The following FBXO3 variants were observed in gnomAD, a reference collection of about 807,000 sequenced individuals.
FBXO3 encodes F-box only protein 3.
Under a neutral mutation model 64.8 loss-of-function variants are expected in FBXO3, and 17 were observed. That is an observed-to-expected ratio of 0.26 (90% CI 0.18 to 0.39). FBXO3 has a LOEUF of 0.39. Ranked by LOEUF, FBXO3 falls within the 10% of genes least tolerant of loss-of-function variation. The pLI is 1.00. For missense variants in FBXO3, 420 were observed against 589.9 expected (o/e 0.71, Z 2.98); for synonymous variants, 182 against 201.6 (o/e 0.90, Z 0.82).
chr11:33,744,034 T>C (rs1854751677), intron 10 of FBXO3: 2 of 152,184 alleles, frequency 1.3e-5, no homozygotes, highest in East Asian at 3.8e-4. Flanking sequence ...TCACTTAGGA[T>C]TTATTATAAC....
In FBXO3 at chr11:33,748,872, G is replaced by A. The variant is rs746100285; in HGVS notation, c.953C>T (p.Ala318Val). ...CAACTGACAGGCCTTCTCAGGAAGT[G>A]CATCTTTTGACATTTCAATCCTAGA... ...YRIRIEMSKD[A>V]LPEKACQLDS... is the part of the protein sequence containing the mutation. Residue 318 changes from alanine (A) to valine (V), a missense_variant, in exon 9 of 11, where the codon GCA becomes GTA. Coordinates refer to ENST00000265651, the MANE Select transcript of FBXO3 (RefSeq NM_012175.4). 1 of 1,612,848 alleles carries A rather than the reference G, an allele frequency of 6.2e-7. No homozygotes were observed. Among genetic ancestry groups the A allele is most frequent in the Admixed American group, 1.7e-5 (1 of 59,990 alleles).
intron 3 of FBXO3, chr11:33,763,201 C>T: frequency 2.4e-6 from 1 of 415,396 alleles, no homozygotes; most frequent in Admixed American, 2.6e-5. Flanking sequence ...TAAGACCAAG[C>T]TTACATAAAC....
rs138711279 is a variant in FBXO3, at chr11:33,742,028, C to T, written c.1296G>A (p.Glu432=). 8.5e-5 allele frequency: 136 copies of T among 1,606,768 alleles called. No individual in the cohort carries two copies. The highest frequency in any genetic ancestry group is 1.1e-4 in the Non-Finnish European group (128 of 1,174,472). Residue 432 remains glutamate (E), a synonymous_variant, in exon 11 of 11, where the codon GAG becomes GAA. Coordinates refer to ENST00000265651, the MANE Select transcript of FBXO3 (RefSeq NM_012175.4). The stretch of plus-strand genomic sequence containing the variant: ...CTGCTGAATCATCATCCTCGTCTTC[C>T]TCCTCTTCCTCCTCCTCCTCTTCTT... ...EMEEEEEEEE[E]EDEDDDSADM... is the part of the protein sequence containing the mutation.
chr11:33,749,478 A>G (rs114108338), intron 8 of FBXO3, among the ~76,000 whole-genome samples: 3,679 of 151,414 alleles, frequency 0.024, 131 homozygotes, highest in African/African-American at 0.081. Flanking sequence ...CTTCCGCCTC[A>G]GCTCCTCTAG....
intron 10 of FBXO3, chr11:33,744,143 CTT>C (rs1203992712): frequency 6.6e-6 from 1 of 151,804 alleles, no homozygotes; most frequent in African/African-American, 2.4e-5. Context: ...GGAATGAAGA[CTT>C]TGAAATTCAG....
At chr11:33,752,532 A>G (rs953209000) in intron 6 of FBXO3, among the ~76,000 whole-genome samples, 1 of 152,172 alleles carries the variant, frequency 6.6e-6, no homozygotes, top group Non-Finnish European at 1.5e-5. Context: ...AAAAGATACA[A>G]TTTGGCTTAT....
intron 4 of FBXO3, chr11:33,757,094 C>A: frequency 1.9e-6 from 1 of 517,712 alleles, no homozygotes; most frequent in Non-Finnish European, 3.9e-6. Context: ...TCCCTGTACT[C>A]ATTCAACCCT....
At chr11:33,744,322 C>T (rs1200695509) in intron 10 of FBXO3, 1 of 151,946 alleles carries the variant, frequency 6.6e-6, no homozygotes, top group Non-Finnish European at 1.5e-5. Flanking sequence ...TGTACACACA[C>T]AAACAGCAGA....
At chr11:33,766,104 C>T (rs1855364411) in intron 3 of FBXO3, among the ~76,000 whole-genome samples, 2 of 152,258 alleles carry the variant, frequency 1.3e-5, no homozygotes, top group Middle Eastern at 3.4e-3. Context: ...TACCACCTAC[C>T]TTAGAGAATT....
chr11:33,760,768 C>T (rs1044232386), intron 3 of FBXO3, among the ~76,000 whole-genome samples: 3 of 152,090 alleles, frequency 2.0e-5, no homozygotes, highest in African/African-American at 7.2e-5. Context: ...GAAATAAATA[C>T]ATTTTTAGAT....
chr11:33,746,142 C>G (rs539561562), intron 10 of FBXO3: 1 of 152,350 alleles, frequency 6.6e-6, no homozygotes, highest in Admixed American at 6.5e-5. Context: ...AGAACTCTAG[C>G]CCCAGATAAC....
At chr11:33,759,884 T>C (rs924762824) in intron 3 of FBXO3, among the ~76,000 whole-genome samples, 10 of 152,060 alleles carry the variant, frequency 6.6e-5, no homozygotes, top group South Asian at 2.1e-4. Flanking sequence ...ATCTTAGAGC[T>C]GAAAAATGCA....
At position 33,750,581 on chromosome 11, in the gene FBXO3, C is replaced by G. The variant is rs567894865; in HGVS notation, c.890G>C (p.Ser297Thr). 2 of 1,613,948 alleles carry G rather than the reference C, an allele frequency of 1.2e-6. No individual in the cohort carries two copies. Among genetic ancestry groups the G allele is most frequent in the East Asian group, 2.2e-5 (1 of 44,868 alleles). The change falls in exon 8 of 11, where the codon AGC becomes ACC. Residue 297 changes from serine to threonine, a missense_variant. Ser to Thr is a moderately conservative substitution (Grantham distance 58). Transcript: ENST00000265651. ...GAAATAGTGGGGTGGATGTACAGAGCTAAGTTCTGGCAGAAACGATGTGGA... is the reference window on the plus strand; with the variant it reads ...GAAATAGTGGGGTGGATGTACAGAGGTAAGTTCTGGCAGAAACGATGTGGA... ...SVSTSFLPEL[S>T]SVHPPHYFFT...
At chr11:33,750,706 T>A in intron 7 of FBXO3, 45 bp from the exon 8 acceptor site, 2 of 1,568,232 alleles carry the variant, frequency 1.3e-6, no homozygotes, top group Non-Finnish European at 1.7e-6. Context: ...ACTACAGGAT[T>A]TAAAAGATAC....
chr11:33,741,755 C>T lies in FBXO3; in HGVS notation c.*153G>A, dbSNP rs1854691142. On this transcript the variant is annotated 3_prime_UTR_variant, in exon 11 of 11. Transcript: ENST00000265651. Reference sequence around the variant, plus strand: ...CAAAGCAAACCCAAACAATCCAATTCCTAATGTAGTGTCACATAGAACCCA... The same window carrying T: ...CAAAGCAAACCCAAACAATCCAATTTCTAATGTAGTGTCACATAGAACCCA... The T allele has an allele frequency of 1.6e-6, 1 of 643,086 alleles. No individual in the cohort carries two copies. Among genetic ancestry groups the T allele is most frequent in the Non-Finnish European group, 2.3e-6 (1 of 434,570 alleles). The allele number at this position is 643,086 out of a possible 1,614,324, so 39.8% of individuals were successfully genotyped here.
intron 3 of FBXO3, among the ~76,000 whole-genome samples, chr11:33,758,919 T>C (rs1855174674): frequency 7.8e-6 from 1 of 127,404 alleles, no homozygotes; most frequent in African/African-American, 2.8e-5. Context: ...TACTGCTTTA[T>C]TTAAAATAAA....
chr11:33,764,884 G>A (rs1292432118), intron 3 of FBXO3, among the ~76,000 whole-genome samples: 1 of 152,170 alleles, frequency 6.6e-6, no homozygotes, highest in African/African-American at 2.4e-5. Context: ...GGAGGCAGGA[G>A]AATCGCTTGA....
chr11:33,747,876 T>TAA (rs60328389), intron 9 of FBXO3, among the ~76,000 whole-genome samples: 20 of 106,664 alleles, frequency 1.9e-4, no homozygotes, highest in Admixed American at 1.9e-4. Context: ...AAGTATCTAG[T>TAA]AAAAAAAAAA....
intron 3 of FBXO3, among the ~76,000 whole-genome samples, chr11:33,760,186 C>T (rs1168597071): frequency 6.6e-6 from 1 of 152,030 alleles, no homozygotes; most frequent in African/African-American, 2.4e-5. Flanking sequence ...CACCATAAAC[C>T]CTATGGAGAA....
Sources: allele counts gnomAD v4.1 joint callset (sites outside exome capture counted in the v4.1 genomes callset), GRCh38; gene constraint gnomAD v4.1.1; transcripts MANE v1.5; gene names NCBI Gene and HGNC (gene_info 2026-07-23, HGNC 2026-07-21).